TRIM42: variants seen among roughly 807,000 people sequenced by gnomAD.
The protein encoded by TRIM42 is tripartite motif-containing protein 42.
TRIM42 carries 59 observed loss-of-function variants against 64.9 expected under a neutral mutation model. The ratio of observed to expected loss-of-function variants is 0.91; its 90% confidence interval spans 0.74 to 1.13. The LOEUF is 1.13. Among genes scored for constraint, TRIM42 ranks in the 50% most tolerant of loss-of-function variants. TRIM42 has a pLI of 0.00. For synonymous variants in TRIM42, 354 were observed against 346.3 expected, an observed-to-expected ratio of 1.02 and a Z score of -0.25; for missense variants, 878 against 929.5, an observed-to-expected ratio of 0.94 and a Z score of 0.72.
chr3:140,697,335 A>C (rs1317303536), intron 4 of TRIM42, among the ~76,000 whole-genome samples: 3 of 152,180 alleles, frequency 2.0e-5, no homozygotes, highest in Non-Finnish European at 2.9e-5. Flanking sequence ...AGAAATACTT[A>C]ATTTTGATAT....
chr3:140,696,031 T>C (rs927329448), intron 4 of TRIM42, among the ~76,000 whole-genome samples: 2 of 152,188 alleles, frequency 1.3e-5, no homozygotes, highest in African/African-American at 4.8e-5. Flanking sequence ...CTGGAACAAG[T>C]ATAATTTCGG....
At position 140,691,830 on chromosome 3, in the gene TRIM42, A is replaced by C. The variant is rs769067279; in HGVS notation, c.2085+638A>C. 2.9e-4 allele frequency among the ~76,000 whole-genome samples: 44 copies of C among 152,202 alleles called. 1 individual carries two copies. Among genetic ancestry groups the C allele is most frequent in the Non-Finnish European group, 6.3e-4 (43 of 68,026 alleles). On this transcript the variant is annotated intron_variant, in intron 4 of 4. Coordinates refer to ENST00000286349, the MANE Select transcript of TRIM42 (RefSeq NM_152616.5). ...TTATATCTCCAGGGAATACACATTC[A>C]TGAGTATAATTTTATTGATATTAAA...
chr3:140,688,512 C>A lies in TRIM42; in HGVS notation c.1830C>A (p.Tyr610Ter). The change falls in exon 3 of 5, where the codon TAC becomes TAA. Residue 610 changes from tyrosine (Y) to a stop codon, truncating the protein, a stop_gained. Transcript: ENST00000286349. LOFTEE classifies it high-confidence loss of function. Reference sequence around the variant, plus strand: ...AGACCCCAGGCCCAATTGTTATCTACCAGACTCTGGTGTACCCAAGAGCTG... The same window carrying A: ...AGACCCCAGGCCCAATTGTTATCTAACAGACTCTGGTGTACCCAAGAGCTG... ...SVKTPGPIVI[Y>*]QTLVYPRAAK... 1 of 1,613,106 alleles carries A rather than the reference C, an allele frequency of 6.2e-7. No homozygotes were observed. Among genetic ancestry groups the A allele is most frequent in the Non-Finnish European group, 8.5e-7 (1 of 1,179,468 alleles).
At chr3:140,697,765 G>A (rs1326261866) in intron 4 of TRIM42, among the ~76,000 whole-genome samples, 1 of 152,132 alleles carries the variant, frequency 6.6e-6, no homozygotes, top group African/African-American at 2.4e-5. Context: ...CTCACTGCAA[G>A]CTCCGCCTCC....
chr3:140,688,369 A>AC lies in TRIM42; in HGVS notation c.1692dup (p.Ala565ArgfsTer70). On this transcript the variant is annotated frameshift_variant, in exon 3 of 5. Transcript: ENST00000286349. LOFTEE classifies it high-confidence loss of function. ...GGCCTGTGGGAGAGCCCAGTCAGCC[A>AC]CCCCCGCCAAACCCACAGACGGCCT... 6.2e-7 allele frequency: 1 copy of AC among 1,611,396 alleles called. No homozygotes were observed. Among genetic ancestry groups the AC allele is most frequent in the Non-Finnish European group, 8.5e-7 (1 of 1,178,482 alleles).
rs113673861 is a variant in TRIM42 at position 140,682,845 on chromosome 3, G to A, written c.725G>A (p.Arg242His). 1.1e-5 allele frequency: 17 copies of A among 1,614,010 alleles called. No homozygotes were observed. Among genetic ancestry groups the A allele is most frequent in the Middle Eastern group, 1.6e-4 (1 of 6,084 alleles). ...GGGCCCATCCTCTGCCAGGTCTGCC[G>A]CAACAAGCGCATCGCTTACAAGCGC... ...SSGPILCQVC[R>H]NKRIAYKRCI... The change falls in exon 2 of 5, where the codon CGC (arginine) becomes CAC (histidine). Residue 242 changes from arginine (R) to histidine (H), a missense_variant. Coordinates refer to ENST00000286349, the MANE Select transcript of TRIM42 (RefSeq NM_152616.5).
Position 140,682,661 on chromosome 3 carries a change from G to A in TRIM42, c.541G>A (p.Glu181Lys), listed in dbSNP as rs749078715. The A allele has an allele frequency of 3.7e-6, 6 of 1,613,290 alleles. No individual in the cohort carries two copies. In the South Asian group the frequency reaches 4.4e-5, roughly 12 times the overall value. The change falls in exon 2 of 5, where the codon GAG becomes AAG. Residue 181 changes from glutamate (E) to lysine (K), a missense_variant. Glu to Lys is a moderately conservative substitution (Grantham distance 56). Transcript: ENST00000286349. ...RQLQKHAEVT[E>K]NFFILICPVC... ...GCTGCAGAAGCACGCCGAGGTCACC[G>A]AGAACTTCTTCATCCTCATCTGCCC...
chr3:140,701,052 T>C lies in TRIM42; in HGVS notation c.*78T>C. On this transcript the variant is annotated 3_prime_UTR_variant, in exon 5 of 5. Coordinates refer to ENST00000286349, the MANE Select transcript of TRIM42 (RefSeq NM_152616.5). ...ACACACATATATGTATGTATATTTT[T>C]CTCACCACATTCTTCAAGGAGGTTG... 7.9e-7 allele frequency: 1 copy of C among 1,263,270 alleles called. No individual in the cohort carries two copies. Among genetic ancestry groups the C allele is most frequent in the Non-Finnish European group, 1.1e-6 (1 of 907,206 alleles). 78.3% of individuals were successfully genotyped at this position (1,263,270 alleles called of 1,614,324 possible). A position where few individuals can be genotyped will look rare whatever the true frequency, so the allele number is the denominator to read the frequency against.
At chr3:140,689,804 G>T (rs1239242023) in intron 3 of TRIM42, among the ~76,000 whole-genome samples, 1 of 150,488 alleles carries the variant, frequency 6.6e-6, no homozygotes, top group Non-Finnish European at 1.5e-5. Context: ...GATCAGCAAG[G>T]CCTATCGTGT....
chr3:140,695,792 G>T (rs1380196040), intron 4 of TRIM42, among the ~76,000 whole-genome samples: 2 of 152,056 alleles, frequency 1.3e-5, no homozygotes, highest in African/African-American at 4.8e-5. Flanking sequence ...AGGGTTGGAG[G>T]TCATTCAATC....
At chr3:140,688,983 A>G (rs1318020172) in intron 3 of TRIM42, among the ~76,000 whole-genome samples, 2 of 152,232 alleles carry the variant, frequency 1.3e-5, no homozygotes, top group African/African-American at 4.8e-5. Context: ...TGCCTTTCCT[A>G]AAGCAAATAT....
intron 4 of TRIM42, among the ~76,000 whole-genome samples, chr3:140,697,035 C>G (rs1236592032): frequency 1.3e-5 from 2 of 152,208 alleles, no homozygotes; most frequent in Non-Finnish European, 2.9e-5. Flanking sequence ...TAAGCCCCAC[C>G]TACATTTAGC....
At position 140,700,891 on chromosome 3, in the gene TRIM42, G is replaced by T. The variant is rs1988983353; in HGVS notation, c.2089G>T (p.Val697Leu). Residue 697 changes from valine to leucine, a missense_variant, in exon 5 of 5, where the codon GTA becomes TTA. By Grantham distance (32) the Val-to-Leu change is conservative (BLOSUM62 1). Transcript: ENST00000286349. ...GACTCTTCGCTTCTGATTGCAGGTG[G>T]TAACACCAGATGGACATGGGAAGAA... ...PGQWSDICKV[V>L]TPDGHGKNRA... 6.2e-7 allele frequency: 1 copy of T among 1,614,056 alleles called. No homozygotes were observed.
chr3:140,701,022 T>C lies in TRIM42; in HGVS notation c.*48T>C. On this transcript the variant is annotated 3_prime_UTR_variant, in exon 5 of 5. Transcript: ENST00000286349. Reference sequence around the variant, plus strand: ...CCTCAGACTCATCACAAAGTAGACATATACACACACATATATGTATGTATA... The same window carrying C: ...CCTCAGACTCATCACAAAGTAGACACATACACACACATATATGTATGTATA... The C allele has an allele frequency of 6.6e-7, 1 of 1,514,660 alleles. No individual in the cohort carries two copies. The highest frequency in any genetic ancestry group is 9.1e-7 in the Non-Finnish European group (1 of 1,093,608). The allele number at this position is 1,514,660 out of a possible 1,614,324, so 93.8% of individuals were successfully genotyped here. A position where few individuals can be genotyped will look rare whatever the true frequency, so the allele number is the denominator to read the frequency against.
chr3:140,699,531 T>A (rs981870895), intron 4 of TRIM42, among the ~76,000 whole-genome samples: 1 of 152,168 alleles, frequency 6.6e-6, no homozygotes, highest in African/African-American at 2.4e-5. Flanking sequence ...TCTACCTGAT[T>A]CCCTTTTTTC....
At position 140,678,342 on chromosome 3, in the gene TRIM42, C is replaced by T. The variant is rs1484803534; in HGVS notation, c.113C>T (p.Thr38Ile). ...ATCTTCACCTCAGAGCGGAACTGCA[C>T]CTGCTTCCCCTGCCCTTACAAAGAT... Reference protein sequence around the residue: ...KFIFTSERNCTCFPCPYKDER... With the variant: ...KFIFTSERNCICFPCPYKDER... The change falls in exon 1 of 5, where the codon ACC (threonine) becomes ATC (isoleucine). Residue 38 changes from threonine (T) to isoleucine (I), a missense_variant. Coordinates refer to ENST00000286349, the MANE Select transcript of TRIM42 (RefSeq NM_152616.5). 6.2e-7 allele frequency: 1 copy of T among 1,614,192 alleles called. No homozygotes were observed. Among genetic ancestry groups the T allele is most frequent in the South Asian group, 1.1e-5 (1 of 91,082 alleles).
At chr3:140,689,541 A>G (rs1399374401) in intron 3 of TRIM42, among the ~76,000 whole-genome samples, 1 of 152,152 alleles carries the variant, frequency 6.6e-6, no homozygotes, top group Non-Finnish European at 1.5e-5. Flanking sequence ...GGTACTGCCA[A>G]TGCTGCTGTC....
chr3:140,687,797 A>C lies in TRIM42; in HGVS notation c.1115A>C (p.Lys372Thr). ...AGCTTTAAAGCTGACAAGGAGGCAA[A>C]GCGAAAAGAGATCAGAAATGGCTTT... Reference protein sequence around the residue: ...KNSFKADKEAKRKEIRNGFLK... With the variant: ...KNSFKADKEATRKEIRNGFLK... The change falls in exon 3 of 5, where the codon AAG becomes ACG. Residue 372 changes from lysine to threonine, a missense_variant. Physicochemically the swap from Lys to Thr is moderately conservative, Grantham distance 78. Transcript: ENST00000286349. 1 of 1,614,242 alleles carries C rather than the reference A, an allele frequency of 6.2e-7. No homozygotes were observed. The highest frequency in any genetic ancestry group is 8.5e-7 in the Non-Finnish European group (1 of 1,180,038).
chr3:140,689,455 G>T (rs1402333620), intron 3 of TRIM42, among the ~76,000 whole-genome samples: 2 of 152,058 alleles, frequency 1.3e-5, no homozygotes, highest in Non-Finnish European at 2.9e-5. Context: ...TGTGCACCTG[G>T]GGATCTTGTT....
Sources: allele counts gnomAD v4.1 joint callset (sites outside exome capture counted in the v4.1 genomes callset), GRCh38; gene constraint gnomAD v4.1.1; transcripts MANE v1.5; gene names NCBI Gene and HGNC (gene_info 2026-07-23, HGNC 2026-07-21).